The following MYO15B variants were observed in gnomAD, a reference collection of about 807,000 sequenced individuals.
MYO15B encodes myosin XVB pseudogene.
MYO15B carries 207 observed loss-of-function variants against 119.3 expected under a neutral mutation model. That is an observed-to-expected ratio of 1.73 (90% CI 1.55 to 1.95). The LOEUF (loss-of-function observed/expected upper bound fraction) is 1.95. MYO15B is among the 30% of genes most tolerant of loss of function. MYO15B has a pLI of 0.00. For missense variants in MYO15B, 2,264 were observed against 1,203.1 expected (o/e 1.88, Z -13.04); for synonymous variants, 966 against 498.9 (o/e 1.94, Z -12.48).
intron 14 of MYO15B, 27 bp from the exon 15 acceptor site, chr17:75,601,411 G>T (rs1392581102): frequency 1.4e-6 from 1 of 702,564 alleles, no homozygotes. Context: ...GCAGAGGCGT[G>T]AAGGGAGCTC....
In MYO15B at chr17:75,625,888, G is replaced by A. The variant is rs538552671; in HGVS notation, c.8983G>A (p.Val2995Met). The A allele has an allele frequency of 1.3e-5, 9 of 702,982 alleles. No homozygotes were observed. In the East Asian group the frequency reaches 2.4e-4, roughly 19 times the overall value. The allele number at this position is 702,982 out of a possible 1,614,324, so 43.5% of individuals were successfully genotyped here. ...CCTCTTCGGCTACACCGTCTATGGG[G>A]TGCTGCGAGTGAGCATGCAGGCCCT... Residue 2995 changes from valine to methionine, a missense_variant, in exon 62 of 64, where the codon GTG becomes ATG. Transcript: ENST00000645453.
In MYO15B at chr17:75,591,732, T is replaced by C; in HGVS notation, c.2547+20T>C. The C allele has an allele frequency of 1.4e-6, 1 of 702,758 alleles. No homozygotes were observed. The highest frequency in any genetic ancestry group is 2.6e-6 in the Non-Finnish European group (1 of 384,924). The allele number at this position is 702,758 out of a possible 1,614,324, so 43.5% of individuals were successfully genotyped here. Reference sequence around the variant, plus strand: ...TGTCAGGTGAGGGCCAGGCTGGAGGTACCTCATGGGTTGAGCTGGCCGTCT... The same window carrying C: ...TGTCAGGTGAGGGCCAGGCTGGAGGCACCTCATGGGTTGAGCTGGCCGTCT... On this transcript the variant is annotated intron_variant, in intron 5 of 63. Coordinates refer to ENST00000645453, the Ensembl canonical transcript of MYO15B.
At chr17:75,595,869 G>A (rs932923310) in intron 12 of MYO15B, among the ~76,000 whole-genome samples, 2 of 152,250 alleles carry the variant, frequency 1.3e-5, no homozygotes, top group African/African-American at 4.8e-5. Context: ...GGGGCTGGAG[G>A]GAGAGGAGGT....
intron 21 of MYO15B, among the ~76,000 whole-genome samples, chr17:75,606,289 G>T (rs1680149656): frequency 6.6e-6 from 1 of 151,852 alleles, no homozygotes; most frequent in Admixed American, 6.6e-5. Flanking sequence ...CTCTTTTCTG[G>T]TCTGTTTTCC....
intron 25 of MYO15B, among the ~76,000 whole-genome samples, chr17:75,612,319 T>C (rs2058078982): frequency 1.3e-5 from 2 of 152,194 alleles, no homozygotes; most frequent in Admixed American, 1.3e-4. Context: ...CCTTAAAGAA[T>C]GTTTATTGAC....
chr17:75,604,695 C>G (rs950842705), intron 19 of MYO15B, among the ~76,000 whole-genome samples: 1 of 151,772 alleles, frequency 6.6e-6, no homozygotes, highest in East Asian at 1.9e-4. Flanking sequence ...CTGTTCTCCC[C>G]CTGAGCTCCA....
chr17:75,603,011 G>A (rs1436818848), intron 17 of MYO15B, 21 bp from the exon 18 acceptor site: 1 of 703,024 alleles, frequency 1.4e-6, no homozygotes, highest in Non-Finnish European at 2.6e-6. Context: ...GTGCCCGAGT[G>A]ACCCCTCTTT....
At chr17:75,599,406 C>T (rs2057094684) in intron 14 of MYO15B, among the ~76,000 whole-genome samples, 1 of 152,024 alleles carries the variant, frequency 6.6e-6, no homozygotes, top group Admixed American at 6.5e-5. Flanking sequence ...TTCCAAGTAG[C>T]TGGGACTACA....
chr17:75,605,820 GCTGGCTC>G (rs1367466626), intron 20 of MYO15B, 37 bp from the exon 21 acceptor site: 2 of 653,824 alleles, frequency 3.1e-6, no homozygotes, highest in Admixed American at 2.2e-5. Flanking sequence ...AGCAGGAGGG[GCTGGCTC>G]CTGGCTCCTG....
At chr17:75,598,868 T>TG (rs1568135567) in intron 14 of MYO15B, among the ~76,000 whole-genome samples, 1 of 151,918 alleles carries the variant, frequency 6.6e-6, no homozygotes, top group Non-Finnish European at 1.5e-5. Flanking sequence ...TTTCCAGGGC[T>TG]CAGCAATATC....
At chr17:75,607,230 C>T (rs1344172756) in intron 21 of MYO15B, 6 of 350,538 alleles carry the variant, frequency 1.7e-5, no homozygotes, top group Non-Finnish European at 3.1e-5. Context: ...ACTATTGCCC[C>T]CAAGACCCCC....
chr17:75,617,230 A>G (rs1207665114), exon 41 of MYO15B: 1 of 697,890 alleles, frequency 1.4e-6, no homozygotes, highest in East Asian at 2.7e-5. Context: ...CCTATTGCCC[A>G]CACACCCCCA....
At chr17:75,626,727 C>T in exon 64 of MYO15B, 1 of 570,514 alleles carries the variant, frequency 1.8e-6, no homozygotes, top group Non-Finnish European at 3.1e-6. Flanking sequence ...GGCTGGGGCA[C>T]CTGAGGTTGC....
chr17:75,605,752 A>C lies in MYO15B; in HGVS notation c.4135-112A>C, dbSNP rs1029360355. 7.7e-6 allele frequency: 5 copies of C among 652,544 alleles called. No homozygotes were observed. The African/African-American group carries it at 8.9e-5, about 12-fold the overall frequency. 40.4% of individuals were successfully genotyped at this position (652,544 alleles called of 1,614,324 possible). On this transcript the variant is annotated intron_variant, in intron 20 of 63. Transcript: ENST00000645453. ...GTGGGAGACAGAAGGGCTGGACGGC[A>C]GGGCCAGAAGAACAAATGGTTTGGC...
In MYO15B at chr17:75,616,797, C is replaced by T. The variant is rs1229598142; in HGVS notation, c.6506+12C>T. 8.5e-6 allele frequency: 6 copies of T among 702,880 alleles called. No individual in the cohort carries two copies. The highest frequency in any genetic ancestry group is 2.7e-5 in the East Asian group (1 of 37,298). 43.5% of individuals were successfully genotyped at this position (702,880 alleles called of 1,614,324 possible). ...GTGCAGCCATCCAGGTGGGCCCCCA[C>T]GGGGAGGTGGCCAGGGCTGTCCCGC... is the stretch of plus-strand genomic sequence containing the variant. On this transcript the variant is annotated intron_variant, in intron 39 of 63. Coordinates refer to ENST00000645453, the Ensembl canonical transcript of MYO15B.
chr17:75,601,606 A>C lies in MYO15B; in HGVS notation c.3651+43A>C, dbSNP rs1020108750. The C allele has an allele frequency of 5.8e-6, 4 of 693,038 alleles. No individual in the cohort carries two copies. The East Asian group carries it at 1.1e-4, about 19-fold the overall frequency. 42.9% of individuals were successfully genotyped at this position (693,038 alleles called of 1,614,324 possible). On this transcript the variant is annotated intron_variant, in intron 15 of 63. Coordinates refer to ENST00000645453, the Ensembl canonical transcript of MYO15B. ...CAGACCAGGGTGAATCAGCGAGGGCAGTGTCCCCTCCCAAGCTGAGTCACC... is the reference window on the plus strand; with the variant it reads ...CAGACCAGGGTGAATCAGCGAGGGCCGTGTCCCCTCCCAAGCTGAGTCACC...
At chr17:75,626,271 AG>A (rs1426746862) in intron 63 of MYO15B, 43 bp downstream of exon 63, 9 of 700,528 alleles carry the variant, frequency 1.3e-5, no homozygotes, top group Non-Finnish European at 2.3e-5. Flanking sequence ...GGTGGATGTG[AG>A]GGCCTTGCCC....
intron 23 of MYO15B, 31 bp from the exon 24 acceptor site, chr17:75,611,570 G>C: frequency 1.4e-6 from 1 of 702,560 alleles, no homozygotes; most frequent in Non-Finnish European, 2.6e-6. Flanking sequence ...CCCCTCCTGT[G>C]GATCCTGGGT....
chr17:75,612,871 G>C (rs1461333297), exon 26 of MYO15B: 1 of 702,622 alleles, frequency 1.4e-6, no homozygotes. Context: ...AACCCTCAGC[G>C]TGCCCTGGAC....
Sources: gnomAD v4.1 joint callset for allele counts (sites outside exome capture counted in the v4.1 genomes callset) on GRCh38, gnomAD v4.1.1 for gene constraint, MANE v1.5 for transcripts, NCBI Gene and HGNC (gene_info 2026-07-23, HGNC 2026-07-21) for gene names.